Variants in RANBP2 observed in about 807,000 individuals in gnomAD.
RANBP2 encodes the protein E3 SUMO-protein ligase RanBP2.
RANBP2 carries 57 observed loss-of-function variants against 303.6 expected under a neutral mutation model. The observed-to-expected ratio is 0.19, with a 90% CI of 0.15 to 0.23. RANBP2 has a LOEUF of 0.23. Among genes scored for constraint, RANBP2 ranks in the 10% least tolerant of loss-of-function variants. RANBP2 has a pLI of 1.00. For missense variants in RANBP2, 3,138 were observed against 3,780.8 expected (o/e 0.83, Z 4.46); for synonymous variants, 1,167 against 1,301.5 (o/e 0.90, Z 2.23).
In RANBP2 at chr2:108,784,424, G is replaced by T. The variant is rs1018021427; in HGVS notation, c.*523G>T. Reference sequence around the variant, plus strand: ...GAGTTAACCAAAGTGCTCTTCTCTAGAATCTTTACACCTCCTGTGTGGTTA... The same window carrying T: ...GAGTTAACCAAAGTGCTCTTCTCTATAATCTTTACACCTCCTGTGTGGTTA... On this transcript the variant is annotated 3_prime_UTR_variant, in exon 29 of 29. Coordinates refer to ENST00000283195, the MANE Select transcript of RANBP2 (RefSeq NM_006267.5). The T allele has an allele frequency of 6.5e-6, 1 of 153,560 alleles. No homozygotes were observed. The highest frequency in any genetic ancestry group is 2.4e-5 in the African/African-American group (1 of 41,456). The allele number at this position is 153,560 out of a possible 1,614,324, so 9.5% of individuals were successfully genotyped here. A position where few individuals can be genotyped will look rare whatever the true frequency, so the allele number is the denominator to read the frequency against.
chr2:109,364,447 TAAC>T, the RANBP2 span, among the ~76,000 whole-genome samples: 2 of 152,260 alleles, frequency 1.3e-5, no homozygotes, highest in Non-Finnish European at 2.9e-5. Context: ...CTTTTAAGTC[TAAC>T]ATTAGTTGCC....
At chr2:109,201,997 C>T in the RANBP2 span, among the ~76,000 whole-genome samples, 2 of 152,162 alleles carry the variant, frequency 1.3e-5, no homozygotes, top group South Asian at 2.1e-4. Flanking sequence ...CCAAAGGAAA[C>T]GGGACACAGG....
chr2:109,106,932 TC>T, the RANBP2 span, among the ~76,000 whole-genome samples: 42 of 142,362 alleles, frequency 3.0e-4, no homozygotes, highest in African/African-American at 1.1e-3. Flanking sequence ...GTGGGCCTTC[TC>T]CTTTTTTTTT....
chr2:109,032,221 C>T, the RANBP2 span, among the ~76,000 whole-genome samples: 4 of 152,120 alleles, frequency 2.6e-5, no homozygotes, highest in South Asian at 2.1e-4. Flanking sequence ...AAGTTATTAC[C>T]TGTCTGCCTG....
chr2:109,766,539 A>G, the RANBP2 span, among the ~76,000 whole-genome samples: 1 of 150,476 alleles, frequency 6.6e-6, no homozygotes, highest in Admixed American at 6.8e-5. Flanking sequence ...TGTGTGGGGA[A>G]ATGATTCCTT....
chr2:109,490,303 C>T, the RANBP2 span, among the ~76,000 whole-genome samples: 1 of 152,106 alleles, frequency 6.6e-6, no homozygotes, highest in African/African-American at 2.4e-5. Context: ...CCTCACAGTC[C>T]AGTAGAGAGG....
chr2:108,771,782 A>C lies in RANBP2; in HGVS notation c.7931A>C (p.Gln2644Pro). The change falls in exon 21 of 29, where the codon CAG becomes CCG. Residue 2644 changes from glutamine to proline, a missense_variant. By Grantham distance (76) the Gln-to-Pro change is moderately conservative. Transcript: ENST00000283195. ...IVYELTPTAE[Q>P]KALATKLKLP... ...TATGAACTAACTCCAACCGCTGAGCAGAAAGCCCTTGCAACCAAACTTAAA... is the reference window on the plus strand; with the variant it reads ...TATGAACTAACTCCAACCGCTGAGCCGAAAGCCCTTGCAACCAAACTTAAA... The C allele has an allele frequency of 6.2e-7, 1 of 1,614,080 alleles. No homozygotes were observed. The highest frequency in any genetic ancestry group is 8.5e-7 in the Non-Finnish European group (1 of 1,179,960).
chr2:108,918,190 C>A, the RANBP2 span, among the ~76,000 whole-genome samples: 3 of 152,198 alleles, frequency 2.0e-5, no homozygotes, highest in Non-Finnish European at 4.4e-5. Flanking sequence ...CAGGGTGGGG[C>A]GCGAGCCCTG....
the RANBP2 span, among the ~76,000 whole-genome samples, chr2:108,983,007 G>A: frequency 2.6e-5 from 4 of 152,110 alleles, no homozygotes; most frequent in Non-Finnish European, 5.9e-5. Context: ...GTACTTATTG[G>A]AGATTTTATT....
At chr2:109,433,228 C>T in the RANBP2 span, among the ~76,000 whole-genome samples, 2 of 152,164 alleles carry the variant, frequency 1.3e-5, no homozygotes, top group African/African-American at 2.4e-5. Context: ...CATATATAGA[C>T]GTGTGATATG....
the RANBP2 span, among the ~76,000 whole-genome samples, chr2:109,471,266 GAA>G: frequency 6.6e-5 from 10 of 150,912 alleles, no homozygotes; most frequent in African/African-American, 2.2e-4. Context: ...ATGTATAAAG[GAA>G]AGAGGTTTGA....
chr2:108,906,506 C>T, the RANBP2 span: 29 of 880,820 alleles, frequency 3.3e-5, no homozygotes, highest in African/African-American at 4.1e-4. Flanking sequence ...TGTCAGCAGC[C>T]CAGCCCTGAC....
the RANBP2 span, among the ~76,000 whole-genome samples, chr2:108,826,994 TTGA>T: frequency 1.3e-5 from 2 of 152,238 alleles, no homozygotes; most frequent in Non-Finnish European, 2.9e-5. Flanking sequence ...TTTATTCTTT[TTGA>T]TGATGTCAAA....
the RANBP2 span, among the ~76,000 whole-genome samples, chr2:109,276,361 G>A: frequency 2.0e-5 from 3 of 152,318 alleles, no homozygotes; most frequent in Admixed American, 6.5e-5. Context: ...TATGTGTCCC[G>A]TAGTAGATGT....
chr2:109,083,557 A>T, the RANBP2 span, among the ~76,000 whole-genome samples: 1 of 152,048 alleles, frequency 6.6e-6, no homozygotes, highest in African/African-American at 2.4e-5. Flanking sequence ...GACACTTGGG[A>T]TGCACACTCG....
the RANBP2 span, among the ~76,000 whole-genome samples, chr2:109,221,085 G>A: frequency 1.3e-5 from 2 of 152,352 alleles, no homozygotes; most frequent in East Asian, 1.9e-4. Flanking sequence ...AAGAAATGAA[G>A]TTATGACACG....
the RANBP2 span, among the ~76,000 whole-genome samples, chr2:109,277,343 T>C: frequency 6.6e-6 from 1 of 152,192 alleles, no homozygotes; most frequent in East Asian, 1.9e-4. Flanking sequence ...ATGATTATTT[T>C]CTCAGTGTCA....
the RANBP2 span, among the ~76,000 whole-genome samples, chr2:109,109,410 A>T: frequency 2.6e-5 from 4 of 152,210 alleles, no homozygotes; most frequent in Non-Finnish European, 5.9e-5. Context: ...CTAGCTGTGA[A>T]TTTCATTCAG....
At chr2:109,497,223 T>C in the RANBP2 span, among the ~76,000 whole-genome samples, 8 of 152,338 alleles carry the variant, frequency 5.3e-5, no homozygotes, top group East Asian at 1.5e-3. Flanking sequence ...TATAGAAGTA[T>C]TCTTATCCCC....
Sources: allele counts gnomAD v4.1 joint callset (sites outside exome capture counted in the v4.1 genomes callset), GRCh38; gene constraint gnomAD v4.1.1; transcripts MANE v1.5; gene names NCBI Gene and HGNC (gene_info 2026-07-23, HGNC 2026-07-21).